Variants in NEK11 observed in about 807,000 individuals in gnomAD.
The protein encoded by NEK11 is serine/threonine-protein kinase Nek11.
In NEK11, 72 loss-of-function variants were observed where a neutral mutation model predicts 80.7. That is an observed-to-expected ratio of 0.89 (90% CI 0.74 to 1.08). The LOEUF is 1.08. Ranked by LOEUF, NEK11 falls within the 50% of genes least tolerant of loss-of-function variation. NEK11 has a pLI of 0.00. For synonymous variants in NEK11, 251 were observed against 260.7 expected (o/e 0.96, Z 0.36); for missense variants, 764 against 763.6 (o/e 1.00, Z -0.01).
intron 3 of NEK11, among the ~76,000 whole-genome samples, chr3:131,042,331 C>G: frequency 6.6e-6 from 1 of 152,142 alleles, no homozygotes; most frequent in East Asian, 1.9e-4. Flanking sequence ...GATCCCATTC[C>G]CATGGAACCC....
chr3:131,116,779 G>A (rs1020540130), intron 5 of NEK11, among the ~76,000 whole-genome samples: 6 of 152,194 alleles, frequency 3.9e-5, no homozygotes, highest in East Asian at 1.9e-4. Flanking sequence ...GTCTTCTTTT[G>A]AGAAGTGTCT....
chr3:131,314,406 T>C (rs774617319), intron 17 of NEK11, among the ~76,000 whole-genome samples: 17 of 152,192 alleles, frequency 1.1e-4, no homozygotes, highest in Non-Finnish European at 1.9e-4. Context: ...TTAAGAATGT[T>C]ACATATTGAA....
intron 3 of NEK11, among the ~76,000 whole-genome samples, chr3:131,069,517 C>T (rs1211911123): frequency 1.3e-5 from 2 of 152,126 alleles, no homozygotes; most frequent in African/African-American, 2.4e-5. Context: ...GCTATAAAGA[C>T]GCATGCACAC....
chr3:131,098,366 GC>G (rs756280669), intron 4 of NEK11, among the ~76,000 whole-genome samples: 11 of 152,020 alleles, frequency 7.2e-5, no homozygotes, highest in Non-Finnish European at 1.5e-4. Context: ...AAGTGAACAG[GC>G]AACCTACAAA....
At chr3:131,246,696 T>C (rs2095608120) in intron 16 of NEK11, among the ~76,000 whole-genome samples, 1 of 152,198 alleles carries the variant, frequency 6.6e-6, no homozygotes, top group Non-Finnish European at 1.5e-5. Context: ...CATACTGTTT[T>C]CCATAGTGGT....
At chr3:131,241,111 G>T (rs566979549) in intron 15 of NEK11, among the ~76,000 whole-genome samples, 1 of 152,250 alleles carries the variant, frequency 6.6e-6, no homozygotes, top group African/African-American at 2.4e-5. Context: ...ATAGGAGAAT[G>T]AAAATAAATA....
At position 131,116,691 on chromosome 3, in the gene NEK11, C is replaced by A. The variant is rs536579152; in HGVS notation, c.455+6770C>A. Among the ~76,000 whole-genome samples, 66 of 152,240 alleles carry A rather than the reference C, an allele frequency of 4.3e-4. 1 individual carries two copies. In the South Asian group the frequency reaches 0.01, roughly 24 times the overall value. On this transcript the variant is annotated intron_variant, in intron 5 of 17. Coordinates refer to ENST00000383366, the MANE Select transcript of NEK11 (RefSeq NM_024800.5). ...TTCTACCTGGTGTGAGATGGTATCTCATTGTGGTTTTGATTTGCATTTCTC... is the reference window on the plus strand; with the variant it reads ...TTCTACCTGGTGTGAGATGGTATCTAATTGTGGTTTTGATTTGCATTTCTC...
At chr3:131,149,160 G>A (rs963686238) in intron 7 of NEK11, among the ~76,000 whole-genome samples, 2 of 151,786 alleles carry the variant, frequency 1.3e-5, no homozygotes, top group African/African-American at 2.4e-5. Context: ...CTACCCTCAA[G>A]TAGGCCCCAG....
chr3:131,254,044 T>C (rs1218105752), intron 16 of NEK11, among the ~76,000 whole-genome samples: 1 of 152,192 alleles, frequency 6.6e-6, no homozygotes, highest in African/African-American at 2.4e-5. Flanking sequence ...ACATGTAGCA[T>C]GTTCTCCGTA....
intron 3 of NEK11, among the ~76,000 whole-genome samples, chr3:131,069,825 G>C (rs1271854392): frequency 6.7e-6 from 1 of 149,654 alleles, no homozygotes; most frequent in Admixed American, 6.7e-5. Context: ...TGGGGACTGT[G>C]GTGGGGTGGG....
chr3:131,043,852 G>C (rs1232084341), intron 3 of NEK11, among the ~76,000 whole-genome samples: 2 of 152,104 alleles, frequency 1.3e-5, no homozygotes, highest in Non-Finnish European at 2.9e-5. Flanking sequence ...AAATGTGAAG[G>C]GCAGCCAGAG....
chr3:131,096,175 C>A (rs1327373264), intron 4 of NEK11, among the ~76,000 whole-genome samples: 1 of 151,750 alleles, frequency 6.6e-6, no homozygotes, highest in African/African-American at 2.4e-5. Flanking sequence ...CAACTCACAT[C>A]CCCCTTCCTC....
At chr3:131,227,981 A>G (rs1438037920) in intron 14 of NEK11, among the ~76,000 whole-genome samples, 1 of 152,168 alleles carries the variant, frequency 6.6e-6, no homozygotes, top group Non-Finnish European at 1.5e-5. Context: ...CTCAAAAGCC[A>G]TCATTACCTG....
At chr3:131,162,606 A>C in intron 11 of NEK11, 79 bp downstream of exon 11, 1 of 1,557,126 alleles carries the variant, frequency 6.4e-7, no homozygotes, top group Non-Finnish European at 8.7e-7. Flanking sequence ...GAAAAGCAAA[A>C]ACCAAAACAG....
At chr3:131,265,336 A>G (rs890834743) in intron 16 of NEK11, among the ~76,000 whole-genome samples, 21 of 152,160 alleles carry the variant, frequency 1.4e-4, no homozygotes, top group Non-Finnish European at 2.9e-4. Flanking sequence ...ATTCAGTATG[A>G]TACTGGCTGT....
chr3:131,292,379 G>A (rs1241379889), intron 17 of NEK11, among the ~76,000 whole-genome samples: 1 of 152,062 alleles, frequency 6.6e-6, no homozygotes, highest in Non-Finnish European at 1.5e-5. Context: ...GTTTTCAATT[G>A]TGTTGACTAT....
At chr3:131,046,575 ATTCT>A (rs2109864587) in intron 3 of NEK11, among the ~76,000 whole-genome samples, 1 of 144,418 alleles carries the variant, frequency 6.9e-6, no homozygotes, top group South Asian at 2.2e-4. Flanking sequence ...CAATAAAGTG[ATTCT>A]TTTTTTTTTT....
At chr3:131,168,701 G>T in intron 12 of NEK11, 129 bp from the exon 13 acceptor site, 1 of 620,380 alleles carries the variant, frequency 1.6e-6, no homozygotes, top group Non-Finnish European at 2.8e-6. Context: ...TATGCTGCTG[G>T]TCTGTTTCCT....
chr3:131,311,046 C>T (rs960848559), intron 17 of NEK11, among the ~76,000 whole-genome samples: 3 of 152,136 alleles, frequency 2.0e-5, no homozygotes, highest in Non-Finnish European at 4.4e-5. Context: ...GATCCCTCAT[C>T]CTTTGCTTAA....
Sources: allele counts gnomAD v4.1 joint callset (sites outside exome capture counted in the v4.1 genomes callset), GRCh38; gene constraint gnomAD v4.1.1; transcripts MANE v1.5; gene names NCBI Gene and HGNC (gene_info 2026-07-23, HGNC 2026-07-21).